DYM: variants seen among roughly 807,000 people sequenced by gnomAD.
DYM encodes dymeclin.
DYM carries 78 observed loss-of-function variants against 93.1 expected under a neutral mutation model. The ratio of observed to expected loss-of-function variants is 0.84; its 90% CI spans 0.70 to 1.01. DYM has a LOEUF of 1.01. DYM is among the 50% of genes least tolerant of loss of function. The probability of loss-of-function intolerance (pLI) is 0.00; values close to 1 mark genes in which losing one functional copy is unlikely to be tolerated. For missense variants in DYM, 789 were observed against 845.0 expected (o/e 0.93, Z 0.82); for synonymous variants, 321 against 319.7 (o/e 1.00, Z -0.04).
chr18:49,304,722 C>T (rs181088443), intron 8 of DYM, among the ~76,000 whole-genome samples: 4 of 152,282 alleles, frequency 2.6e-5, no homozygotes, highest in Admixed American at 6.5e-5. Context: ...GTTTCTTGCT[C>T]GAGTCATCTG....
At chr18:49,147,203 G>C (rs1171340951) in intron 15 of DYM, among the ~76,000 whole-genome samples, 3 of 152,006 alleles carry the variant, frequency 2.0e-5, no homozygotes, top group African/African-American at 7.3e-5. Context: ...ATTCAAGATG[G>C]ATTAAAGACT....
intron 2 of DYM, among the ~76,000 whole-genome samples, chr18:49,392,546 TA>T (rs1390562376): frequency 1.3e-5 from 2 of 151,812 alleles, no homozygotes; most frequent in Non-Finnish European, 2.9e-5. Context: ...ACCAACGACT[TA>T]AATAGCCATT....
At chr18:49,214,116 A>C (rs1390954426) in intron 13 of DYM, among the ~76,000 whole-genome samples, 2 of 152,218 alleles carry the variant, frequency 1.3e-5, no homozygotes, top group Non-Finnish European at 2.9e-5. Flanking sequence ...TCAGTGGTAC[A>C]AAAAGATACA....
chr18:49,330,866 C>T (rs2063257866), intron 8 of DYM, among the ~76,000 whole-genome samples: 1 of 152,186 alleles, frequency 6.6e-6, no homozygotes, highest in African/African-American at 2.4e-5. Context: ...GAAGTGATCA[C>T]AAGTGTGACT....
chr18:49,222,829 G>A (rs2093413471), intron 13 of DYM, among the ~76,000 whole-genome samples: 1 of 152,084 alleles, frequency 6.6e-6, no homozygotes, highest in South Asian at 2.1e-4. Flanking sequence ...TCACAAATAT[G>A]CACATAATAT....
At chr18:49,100,510 G>A (rs1422973352) in intron 16 of DYM, among the ~76,000 whole-genome samples, 2 of 152,232 alleles carry the variant, frequency 1.3e-5, no homozygotes, top group Middle Eastern at 3.4e-3. Context: ...TGCAGAGGAG[G>A]CATGAAGCTG....
chr18:49,204,233 A>G (rs1434004224), intron 14 of DYM, among the ~76,000 whole-genome samples: 1 of 152,220 alleles, frequency 6.6e-6, no homozygotes, highest in Admixed American at 6.5e-5. Flanking sequence ...CTTTATAAAA[A>G]GAGAATATAA....
intron 6 of DYM, among the ~76,000 whole-genome samples, chr18:49,360,537 G>A (rs528399042): frequency 2.6e-4 from 39 of 151,980 alleles, no homozygotes; most frequent in Admixed American, 4.6e-4. Context: ...CAGGAGAATC[G>A]CTTCAACCCA....
chr18:49,279,319 T>G (rs2094916562), intron 10 of DYM, among the ~76,000 whole-genome samples: 1 of 152,210 alleles, frequency 6.6e-6, no homozygotes, highest in Non-Finnish European at 1.5e-5. Flanking sequence ...AGAAACACTG[T>G]AATCTGTTAA....
chr18:49,306,788 A>G (rs1434921121), intron 8 of DYM, among the ~76,000 whole-genome samples: 2 of 152,232 alleles, frequency 1.3e-5, no homozygotes, highest in African/African-American at 4.8e-5. Flanking sequence ...CCTGTGAATT[A>G]CTATGATTTT....
chr18:49,235,156 A>C (rs139760203), intron 13 of DYM, among the ~76,000 whole-genome samples: 148 of 152,348 alleles, frequency 9.7e-4, no homozygotes, highest in Middle Eastern at 3.4e-3. Context: ...TGGGATAACA[A>C]ATCTGTGTTG....
chr18:49,121,747 C>T (rs1038942020), intron 15 of DYM, among the ~76,000 whole-genome samples: 5 of 152,204 alleles, frequency 3.3e-5, no homozygotes, highest in East Asian at 1.9e-4. Flanking sequence ...TTAGGAGAAC[C>T]GATGCAGTCC....
chr18:49,130,208 G>A (rs749178634), intron 15 of DYM, among the ~76,000 whole-genome samples: 2 of 152,128 alleles, frequency 1.3e-5, no homozygotes. Flanking sequence ...TGAAAACGGA[G>A]TAGTAAAGAA....
intron 2 of DYM, among the ~76,000 whole-genome samples, chr18:49,426,997 A>C (rs770709436): frequency 3.9e-4 from 60 of 152,332 alleles, no homozygotes; most frequent in Admixed American, 7.8e-4. Flanking sequence ...TCTTTACAGA[A>C]GAACTCCAGT....
At chr18:49,375,571 T>G in intron 5 of DYM, 1 of 152,134 alleles carries the variant, frequency 6.6e-6, no homozygotes, top group East Asian at 1.9e-4. Context: ...CAAATAAAAC[T>G]GCTAAAATTG....
chr18:49,119,836 C>G (rs2082220285), intron 15 of DYM, among the ~76,000 whole-genome samples: 1 of 151,622 alleles, frequency 6.6e-6, no homozygotes, highest in African/African-American at 2.4e-5. Flanking sequence ...GCCTGTAATC[C>G]CAGCACTTTG....
Position 49,391,619 on chromosome 18 carries a change from G to A in DYM, c.167C>T (p.Ala56Val). The A allele has an allele frequency of 6.2e-7, 1 of 1,613,532 alleles. No individual in the cohort carries two copies. Among genetic ancestry groups the A allele is most frequent in the Non-Finnish European group, 8.5e-7 (1 of 1,179,640 alleles). The change falls in exon 3 of 18, where the codon GCA becomes GTA. Residue 56 changes from alanine to valine, a missense_variant. By Grantham distance (64) the Ala-to-Val change is moderately conservative. Around this residue, in one of 3 missense-constraint regions of DYM, gnomAD observed 450 missense variants for 436.2 expected, o/e 1.03. Transcript: ENST00000675505. ...SSSELKLLEE[A>V]TISVCRSLVE... ...TAATGACCTGCAGACTGAAATGGTTGCTTCCTCCAAGAGTTTCAACTCACT... is the reference window on the plus strand; with the variant it reads ...TAATGACCTGCAGACTGAAATGGTTACTTCCTCCAAGAGTTTCAACTCACT...
At chr18:49,142,272 A>G (rs2084599946) in intron 15 of DYM, among the ~76,000 whole-genome samples, 1 of 152,192 alleles carries the variant, frequency 6.6e-6, no homozygotes, top group African/African-American at 2.4e-5. Context: ...ATAGCAAATT[A>G]ATTACAGTGT....
intron 8 of DYM, among the ~76,000 whole-genome samples, chr18:49,296,210 C>T (rs1168994197): frequency 3.9e-5 from 6 of 152,058 alleles, no homozygotes; most frequent in African/African-American, 1.2e-4. Flanking sequence ...ATTACAGGCA[C>T]GAGCCACCCA....
Sources: gnomAD v4.1 joint callset for allele counts (sites outside exome capture counted in the v4.1 genomes callset) on GRCh38, gnomAD v4.1.1 for gene constraint, gnomAD v4.1.1 regional missense constraint, MANE v1.5 for transcripts, NCBI Gene and HGNC (gene_info 2026-07-23, HGNC 2026-07-21) for gene names.